The following PARP8 variants were observed in gnomAD, a reference collection of about 807,000 sequenced individuals.
The protein encoded by PARP8 is poly(ADP-ribose) polymerase family member 8, also known as protein mono-ADP-ribosyltransferase PARP8.
A neutral mutation model predicts 124.1 loss-of-function variants in PARP8; 51 were observed. The observed-to-expected ratio is 0.41, with a 90% CI of 0.33 to 0.52. PARP8 has a LOEUF of 0.52. Ranked by LOEUF, PARP8 falls within the 20% of genes least tolerant of loss-of-function variation. The pLI, the probability that PARP8 is intolerant of heterozygous loss-of-function variation, is 0.21. For missense variants in PARP8, 860 were observed against 1,018.9 expected, an observed-to-expected ratio of 0.84 and a Z score of 2.12; for synonymous variants, 391 against 361.5, an observed-to-expected ratio of 1.08 and a Z score of -0.93.
intron 2 of PARP8, chr5:50,744,885 C>A: frequency 1.5e-6 from 1 of 662,456 alleles, no homozygotes; most frequent in Non-Finnish European, 2.7e-6. Context: ...CTGCCTGCTA[C>A]ATGGCATTTA....
At chr5:50,682,762 A>G (rs1751431746) in intron 2 of PARP8, among the ~76,000 whole-genome samples, 1 of 152,196 alleles carries the variant, frequency 6.6e-6, no homozygotes, top group Non-Finnish European at 1.5e-5. Flanking sequence ...AAGATAGGGT[A>G]CATTTATATC....
At chr5:50,807,034 C>T (rs1206024765) in intron 14 of PARP8, among the ~76,000 whole-genome samples, 2 of 151,480 alleles carry the variant, frequency 1.3e-5, no homozygotes, top group Non-Finnish European at 2.9e-5. Context: ...TATTTTATTA[C>T]ATTTGCATTT....
intron 2 of PARP8, among the ~76,000 whole-genome samples, chr5:50,723,293 A>G (rs1756089906): frequency 6.6e-6 from 1 of 152,126 alleles, no homozygotes; most frequent in African/African-American, 2.4e-5. Context: ...GAAGCAATGG[A>G]AAGGTATTAA....
At chr5:50,738,236 T>G (rs1418933023) in intron 2 of PARP8, among the ~76,000 whole-genome samples, 3 of 152,170 alleles carry the variant, frequency 2.0e-5, no homozygotes, top group Non-Finnish European at 4.4e-5. Context: ...ATGTAACCAC[T>G]AGGGGAAAAA....
At chr5:50,798,490 G>A (rs1276521703) in intron 14 of PARP8, among the ~76,000 whole-genome samples, 12 of 149,652 alleles carry the variant, frequency 8.0e-5, no homozygotes, top group South Asian at 2.1e-4. Flanking sequence ...GCACGATCTC[G>A]GCTCACTGCA....
chr5:50,681,133 T>A (rs1751244983), intron 2 of PARP8, among the ~76,000 whole-genome samples: 1 of 152,154 alleles, frequency 6.6e-6, no homozygotes, highest in Non-Finnish European at 1.5e-5. Flanking sequence ...ACTAGAAGAA[T>A]CATACAAATA....
At chr5:50,772,198 G>T (rs1157157959) in intron 7 of PARP8, among the ~76,000 whole-genome samples, 1 of 151,998 alleles carries the variant, frequency 6.6e-6, no homozygotes, top group Non-Finnish European at 1.5e-5. Flanking sequence ...TTTTTTTATG[G>T]CAGAGCAGTA....
chr5:50,758,445 T>C (rs1457230297), intron 3 of PARP8, among the ~76,000 whole-genome samples: 2 of 152,192 alleles, frequency 1.3e-5, no homozygotes, highest in East Asian at 3.8e-4. Flanking sequence ...ACTCATTACT[T>C]GAGGCTAAGA....
intron 2 of PARP8, among the ~76,000 whole-genome samples, chr5:50,735,232 C>T (rs1193857610): frequency 1.3e-5 from 2 of 151,926 alleles, no homozygotes; most frequent in Non-Finnish European, 2.9e-5. Context: ...TTTGAAGTGC[C>T]CTTTGCTGCT....
chr5:50,675,288 T>C (rs1750484688), intron 2 of PARP8, among the ~76,000 whole-genome samples: 1 of 152,198 alleles, frequency 6.6e-6, no homozygotes, highest in African/African-American at 2.4e-5. Context: ...TTATTTGTGT[T>C]TTCATCATTG....
chr5:50,667,525 G>T (rs1317152575), intron 1 of PARP8: 4 of 700,022 alleles, frequency 5.7e-6, no homozygotes, highest in Non-Finnish European at 1.0e-5. Flanking sequence ...CAGCAGCGGC[G>T]GCAGAGCGGG....
At chr5:50,722,332 G>T (rs534811308) in intron 2 of PARP8, among the ~76,000 whole-genome samples, 30 of 152,148 alleles carry the variant, frequency 2.0e-4, no homozygotes, top group Non-Finnish European at 4.0e-4. Flanking sequence ...AAAAGATATG[G>T]TATATACTTC....
intron 2 of PARP8, among the ~76,000 whole-genome samples, chr5:50,727,749 C>G (rs150095805): frequency 6.6e-6 from 1 of 152,146 alleles, no homozygotes; most frequent in Non-Finnish European, 1.5e-5. Flanking sequence ...TTTTCTTTTA[C>G]TCATCCACGT....
At chr5:50,821,637 G>C (rs937351748) in intron 16 of PARP8, among the ~76,000 whole-genome samples, 2 of 152,060 alleles carry the variant, frequency 1.3e-5, no homozygotes, top group Non-Finnish European at 2.9e-5. Flanking sequence ...TGAAAGTTTA[G>C]TTCATACTGT....
intron 2 of PARP8, among the ~76,000 whole-genome samples, chr5:50,702,395 GAAACT>G (rs1753691914): frequency 6.6e-6 from 1 of 152,130 alleles, no homozygotes; most frequent in African/African-American, 2.4e-5. Flanking sequence ...GTGACCTCTA[GAAACT>G]ATCACCTTTA....
chr5:50,729,693 C>T (rs1394513961), intron 2 of PARP8, among the ~76,000 whole-genome samples: 1 of 152,190 alleles, frequency 6.6e-6, no homozygotes, highest in Non-Finnish European at 1.5e-5. Flanking sequence ...TTCCATCCAT[C>T]TCTTCAAGAT....
chr5:50,743,646 A>G (rs1758266536), intron 2 of PARP8, among the ~76,000 whole-genome samples: 2 of 152,102 alleles, frequency 1.3e-5, no homozygotes, highest in African/African-American at 4.8e-5. Context: ...CTGAGACCTA[A>G]CCAGGCACGA....
At chr5:50,782,612 G>A (rs532912911) in intron 9 of PARP8, among the ~76,000 whole-genome samples, 1 of 152,240 alleles carries the variant, frequency 6.6e-6, no homozygotes, top group African/African-American at 2.4e-5. Flanking sequence ...TGCCCATAAT[G>A]CCTCTGCCTG....
chr5:50,838,445 G>T (rs191247248), intron 25 of PARP8, among the ~76,000 whole-genome samples: 1 of 151,778 alleles, frequency 6.6e-6, no homozygotes, highest in East Asian at 1.9e-4. Flanking sequence ...AAACATTACC[G>T]TTATTACACT....
Sources: gnomAD v4.1 joint callset for allele counts (sites outside exome capture counted in the v4.1 genomes callset) on GRCh38, gnomAD v4.1.1 for gene constraint, MANE v1.5 for transcripts, NCBI Gene and HGNC (gene_info 2026-07-23, HGNC 2026-07-21) for gene names.